Variants in RALGAPA1 observed in about 807,000 individuals in gnomAD.
RALGAPA1 encodes the protein ral GTPase-activating protein subunit alpha-1.
RALGAPA1 carries 52 observed loss-of-function variants against 269.6 expected under a neutral mutation model. The observed-to-expected ratio is 0.19, with a 90% CI of 0.15 to 0.24. The LOEUF is 0.24. Among genes scored for constraint, RALGAPA1 ranks in the 10% least tolerant of loss-of-function variants. The pLI is 1.00. For synonymous variants in RALGAPA1, 817 were observed against 1,008.3 expected (o/e 0.81, Z 3.60); for missense variants, 1,917 against 3,013.9 (o/e 0.64, Z 8.52).
At chr14:35,721,633 A>G in intron 16 of RALGAPA1, 55 bp downstream of exon 16, 1 of 1,431,544 alleles carries the variant, frequency 7.0e-7, no homozygotes, top group Non-Finnish European at 9.5e-7. Flanking sequence ...AATTGTTACC[A>G]AGGACTATAA....
At position 35,677,987 on chromosome 14, in the gene RALGAPA1, C is replaced by T; in HGVS notation, c.4587G>A (p.Lys1529=). Residue 1529 remains lysine, a synonymous_variant, in exon 22 of 42, where the codon AAG becomes AAA. Coordinates refer to ENST00000680220, the MANE Select transcript of RALGAPA1 (RefSeq NM_001346249.2). Reference sequence around the variant, plus strand: ...GTGTCTGAAGAACAGAGTGGTGGAGCTTCTCGTCGAGCTGCAGATCCTTCT... The same window carrying T: ...GTGTCTGAAGAACAGAGTGGTGGAGTTTCTCGTCGAGCTGCAGATCCTTCT... ...MEQKDLQLDE[K]LHHSVLQTPD... is the part of the protein sequence containing the mutation. 2 of 1,613,498 alleles carry T rather than the reference C, an allele frequency of 1.2e-6. No individual in the cohort carries two copies. Among genetic ancestry groups the T allele is most frequent in the Non-Finnish European group, 1.7e-6 (2 of 1,179,874 alleles).
chr14:35,704,109 G>C (rs1489580917), intron 16 of RALGAPA1, among the ~76,000 whole-genome samples: 4 of 151,958 alleles, frequency 2.6e-5, no homozygotes, highest in Non-Finnish European at 1.5e-5. Flanking sequence ...CCTATCCATT[G>C]GCAGAAATAC....
intron 13 of RALGAPA1, among the ~76,000 whole-genome samples, chr14:35,727,309 G>GTATATATATA (rs2070030704): frequency 2.2e-5 from 1 of 44,920 alleles, no homozygotes; most frequent in African/African-American, 9.1e-5. Flanking sequence ...GAAAATTATG[G>GTATATATATA]CATATATATA....
intron 36 of RALGAPA1, among the ~76,000 whole-genome samples, chr14:35,600,124 A>C (rs1356693586): frequency 6.7e-6 from 1 of 148,874 alleles, no homozygotes; most frequent in African/African-American, 2.5e-5. Context: ...CTCAGATAAC[A>C]GAATGCTAGA....
rs779925159 is a variant in RALGAPA1, at chr14:35,706,446, GT to G, written c.2267-6145del. Among the ~76,000 whole-genome samples the G allele has an allele frequency of 2.6e-4, 40 of 152,176 alleles. 1 individual carries two copies. The highest frequency in any genetic ancestry group is 1.5e-3 in the South Asian group (7 of 4,816). On this transcript the variant is annotated intron_variant, in intron 16 of 41. Coordinates refer to ENST00000680220, the MANE Select transcript of RALGAPA1 (RefSeq NM_001346249.2). Reference sequence around the variant, plus strand: ...TGAAAGATCAGTGGACTCTAGTTGTGTGGGTCTTTCTGGAATCTCTATTTTA... The same window carrying G: ...TGAAAGATCAGTGGACTCTAGTTGTGGGGTCTTTCTGGAATCTCTATTTTA...
At chr14:35,647,167 T>C (rs924769262) in intron 31 of RALGAPA1, among the ~76,000 whole-genome samples, 3 of 152,200 alleles carry the variant, frequency 2.0e-5, no homozygotes, top group African/African-American at 4.8e-5. Context: ...GATTATAAAG[T>C]TGTTTTGATG....
chr14:35,541,728 A>G (rs777744360), intron 41 of RALGAPA1: 1 of 456,876 alleles, frequency 2.2e-6, no homozygotes, highest in South Asian at 1.5e-5. Context: ...AGGCCCTCCC[A>G]TTGCTGTTTA....
intron 7 of RALGAPA1, 31 bp from the exon 8 acceptor site, chr14:35,752,193 C>A: frequency 1.4e-6 from 2 of 1,470,160 alleles, no homozygotes; most frequent in South Asian, 1.4e-5. Flanking sequence ...TAGAATCATT[C>A]CAGAAGAAAG....
chr14:35,649,275 C>T, intron 31 of RALGAPA1, among the ~76,000 whole-genome samples: 1 of 152,186 alleles, frequency 6.6e-6, no homozygotes, highest in Non-Finnish European at 1.5e-5. Flanking sequence ...AGCCTTAGCT[C>T]AGAACGTCAT....
intron 16 of RALGAPA1, among the ~76,000 whole-genome samples, chr14:35,716,989 A>G (rs2068887760): frequency 6.6e-6 from 1 of 152,198 alleles, no homozygotes; most frequent in Non-Finnish European, 1.5e-5. Flanking sequence ...GCAATCCTTT[A>G]CACATTAATG....
At chr14:35,657,375 A>T (rs1373496471) in intron 28 of RALGAPA1, among the ~76,000 whole-genome samples, 2 of 151,612 alleles carry the variant, frequency 1.3e-5, no homozygotes, top group East Asian at 3.9e-4. Flanking sequence ...TTTTTAGTAG[A>T]GACGTGGTTT....
chr14:35,669,624 A>G (rs1355759827), intron 26 of RALGAPA1, among the ~76,000 whole-genome samples: 1 of 152,148 alleles, frequency 6.6e-6, no homozygotes, highest in African/African-American at 2.4e-5. Context: ...CACACAGCTA[A>G]TAAGTGGCAG....
In RALGAPA1 at chr14:35,627,373, G is replaced by C. The variant is rs1283295362; in HGVS notation, c.6574C>G (p.Gln2192Glu). The C allele has an allele frequency of 3.1e-6, 5 of 1,614,102 alleles. No individual in the cohort carries two copies. The East Asian group carries it at 6.7e-5, about 22-fold the overall frequency. ...TCAGGACTAGTAACACCCAAATACT[G>C]CAAGAGCTCATCAAGAACATCTTCT... is the stretch of plus-strand genomic sequence containing the variant. ...DEEDVLDELL[Q>E]YLGVTSPECL... Residue 2192 changes from glutamine to glutamate, a missense_variant, in exon 34 of 42, where the codon CAG becomes GAG. Coordinates refer to ENST00000680220, the MANE Select transcript of RALGAPA1 (RefSeq NM_001346249.2).
At chr14:35,540,893 T>C (rs1303145501) in intron 41 of RALGAPA1, among the ~76,000 whole-genome samples, 1 of 152,218 alleles carries the variant, frequency 6.6e-6, no homozygotes, top group East Asian at 1.9e-4. Flanking sequence ...GAAATAATTA[T>C]GCTAGCACTT....
At chr14:35,749,066 C>G (rs996690760) in intron 9 of RALGAPA1, among the ~76,000 whole-genome samples, 3 of 152,040 alleles carry the variant, frequency 2.0e-5, no homozygotes, top group African/African-American at 7.2e-5. Flanking sequence ...AATCATCTAC[C>G]CACCTATAGT....
At chr14:35,565,351 T>C (rs944485132) in intron 39 of RALGAPA1, among the ~76,000 whole-genome samples, 3 of 150,338 alleles carry the variant, frequency 2.0e-5, no homozygotes, top group African/African-American at 7.3e-5. Flanking sequence ...ATAACATATA[T>C]TATACTCTTA....
intron 35 of RALGAPA1, among the ~76,000 whole-genome samples, chr14:35,607,651 G>A (rs1349782813): frequency 1.3e-5 from 2 of 152,204 alleles, no homozygotes; most frequent in Non-Finnish European, 2.9e-5. Context: ...CCCAGGTCAG[G>A]TTGTAGTGAG....
chr14:35,709,837 T>G (rs144163311), intron 16 of RALGAPA1, among the ~76,000 whole-genome samples: 29 of 152,310 alleles, frequency 1.9e-4, no homozygotes, highest in African/African-American at 6.7e-4. Context: ...CTCCAAGTAT[T>G]TTAGAGTTTT....
intron 11 of RALGAPA1, among the ~76,000 whole-genome samples, chr14:35,739,728 C>A (rs955134034): frequency 6.6e-6 from 1 of 152,110 alleles, no homozygotes; most frequent in East Asian, 1.9e-4. Context: ...CTGCAACTAC[C>A]GCTGTCCTAG....
Sources: gnomAD v4.1 joint callset for allele counts (sites outside exome capture counted in the v4.1 genomes callset) on GRCh38, gnomAD v4.1.1 for gene constraint, MANE v1.5 for transcripts, NCBI Gene and HGNC (gene_info 2026-07-23, HGNC 2026-07-21) for gene names.